Variants in PDE11A observed in about 807,000 individuals in gnomAD.
The protein encoded by PDE11A is phosphodiesterase 11A.
Under a neutral mutation model 100.5 loss-of-function variants are expected in PDE11A, and 100 were observed. The ratio of observed to expected loss-of-function variants is 1.00; its 90% CI spans 0.85 to 1.18. The LOEUF (loss-of-function observed/expected upper bound fraction) is 1.18, where lower values mean the gene tolerates loss of function less well. PDE11A is among the 50% of genes most tolerant of loss of function. The pLI, the probability that PDE11A is intolerant of heterozygous loss-of-function variation, is 0.00. For missense variants in PDE11A, 1,141 were observed against 1,152.6 expected (o/e 0.99, Z 0.15); for synonymous variants, 381 against 420.8 (o/e 0.91, Z 1.16).
intron 17 of PDE11A, among the ~76,000 whole-genome samples, chr2:177,673,658 G>T (rs960981817): frequency 6.6e-6 from 1 of 152,148 alleles, no homozygotes; most frequent in African/African-American, 2.4e-5. Context: ...TGGGACATTT[G>T]GGTTGTCTTT....
chr2:177,629,963 A>T (rs2105428803), intron 19 of PDE11A, among the ~76,000 whole-genome samples: 1 of 152,328 alleles, frequency 6.6e-6, no homozygotes, highest in East Asian at 1.9e-4. Flanking sequence ...TTAAATTTTT[A>T]CAAAATAATC....
chr2:177,727,958 A>G, intron 11 of PDE11A, 68 bp downstream of exon 11: 1 of 1,364,196 alleles, frequency 7.3e-7, no homozygotes, highest in Non-Finnish European at 1.0e-6. Context: ...TTGGGAAACC[A>G]GTGGTTCAGA....
intron 5 of PDE11A, among the ~76,000 whole-genome samples, chr2:177,860,734 C>T (rs537340750): frequency 6.6e-6 from 1 of 151,628 alleles, no homozygotes. Context: ...AAAAGGTATG[C>T]ACACCATGAC....
At chr2:178,012,118 C>G (rs894820404) in intron 2 of PDE11A, 3 of 152,168 alleles carry the variant, frequency 2.0e-5, no homozygotes, top group Admixed American at 2.0e-4. Context: ...CCTGCATGAA[C>G]ACAATCTACC....
intron 10 of PDE11A, among the ~76,000 whole-genome samples, chr2:177,761,844 T>A (rs529009192): frequency 1.3e-5 from 2 of 152,142 alleles, no homozygotes; most frequent in Non-Finnish European, 2.9e-5. Flanking sequence ...GAGCTGAAAG[T>A]TAGAGTTTGG....
At chr2:177,662,580 A>G (rs2080499552) in intron 19 of PDE11A, among the ~76,000 whole-genome samples, 1 of 152,244 alleles carries the variant, frequency 6.6e-6, no homozygotes, top group Non-Finnish European at 1.5e-5. Context: ...TGGGAGGAGC[A>G]GACAGGAAGA....
intron 6 of PDE11A, among the ~76,000 whole-genome samples, chr2:177,822,711 C>G (rs1356580824): frequency 6.6e-6 from 1 of 152,060 alleles, no homozygotes; most frequent in Non-Finnish European, 1.5e-5. Flanking sequence ...CTGAGTCTTT[C>G]AATCCATAAA....
At chr2:177,854,227 G>A (rs141463181) in intron 5 of PDE11A, among the ~76,000 whole-genome samples, 122 of 151,776 alleles carry the variant, frequency 8.0e-4, no homozygotes, top group Non-Finnish European at 1.1e-3. Flanking sequence ...TTTCATTCTC[G>A]TCTGTGACAG....
intron 1 of PDE11A, among the ~76,000 whole-genome samples, chr2:178,033,445 G>A (rs2196340): frequency 0.17 from 26,505 of 152,082 alleles, 2,641 homozygotes; most frequent in Middle Eastern, 0.28. Context: ...GAAAGTGACG[G>A]GGAGAATGGA....
Position 177,787,225 on chromosome 2 carries a change from G to A in PDE11A, c.1738-17852C>T, listed in dbSNP as rs1277369169. 2.0e-5 allele frequency among the ~76,000 whole-genome samples: 3 copies of A among 148,136 alleles called. No homozygotes were observed. In the East Asian group the frequency reaches 5.9e-4, roughly 29 times the overall value. On this transcript the variant is annotated intron_variant, in intron 9 of 19. Transcript: ENST00000286063. ...CTCTACAAGCCAGAAGAGAGTGGGG[G>A]CCAATATTCAACATTCTTAAAGAAA...
At chr2:177,991,499 G>A (rs1455154922) in intron 2 of PDE11A, among the ~76,000 whole-genome samples, 1 of 150,122 alleles carries the variant, frequency 6.7e-6, no homozygotes, top group East Asian at 2.0e-4. Context: ...GCCAGGCGTG[G>A]TGGCAGGCAC....
At chr2:177,896,748 T>C (rs1360964864) in intron 4 of PDE11A, among the ~76,000 whole-genome samples, 1 of 152,208 alleles carries the variant, frequency 6.6e-6, no homozygotes, top group Non-Finnish European at 1.5e-5. Context: ...TAGTAACACC[T>C]ACCTTATAAG....
chr2:177,666,335 GATATTATGA>G (rs2080581788), intron 18 of PDE11A, among the ~76,000 whole-genome samples: 1 of 152,180 alleles, frequency 6.6e-6, no homozygotes, highest in African/African-American at 2.4e-5. Flanking sequence ...TTGCTTCCAG[GATATTATGA>G]ATAATAGCTG....
chr2:178,088,104 T>C (rs11687573), intron 2 of PDE11A, among the ~76,000 whole-genome samples: 13,760 of 152,240 alleles, frequency 0.09, 689 homozygotes, highest in Middle Eastern at 0.13. Flanking sequence ...TGACTTGCCT[T>C]ACTCTCACAG....
intron 2 of PDE11A, among the ~76,000 whole-genome samples, chr2:177,947,033 CG>C (rs2085448215): frequency 8.4e-6 from 1 of 119,370 alleles, no homozygotes; most frequent in African/African-American, 3.1e-5. Context: ...GCCCCCCGCC[CG>C]GCCAGCCGCC....
chr2:177,685,370 C>T (rs1216380035), intron 15 of PDE11A, among the ~76,000 whole-genome samples: 1 of 152,098 alleles, frequency 6.6e-6, no homozygotes, highest in East Asian at 1.9e-4. Context: ...AAATGGGCAA[C>T]ATAACAAGTT....
intron 2 of PDE11A, chr2:177,997,956 G>T: frequency 8.3e-7 from 1 of 1,208,640 alleles, no homozygotes; most frequent in Non-Finnish European, 1.2e-6. Context: ...CGGTAGTCAA[G>T]ATACCAAGGT....
chr2:177,898,033 C>T (rs749376203), intron 4 of PDE11A, 25 bp downstream of exon 4: 1 of 1,578,984 alleles, frequency 6.3e-7, no homozygotes, highest in Non-Finnish European at 8.7e-7. Context: ...CAGTCTTCAA[C>T]TTTAAAAGAT....
At chr2:177,660,095 CTTT>C (rs2080458801) in intron 19 of PDE11A, among the ~76,000 whole-genome samples, 3 of 40,832 alleles carry the variant, frequency 7.3e-5, no homozygotes. Context: ...TTCTTTCTTT[CTTT>C]CTCTCTCTCT....
Sources: allele counts gnomAD v4.1 joint callset (sites outside exome capture counted in the v4.1 genomes callset), GRCh38; gene constraint gnomAD v4.1.1; transcripts MANE v1.5; gene names NCBI Gene and HGNC (gene_info 2026-07-23, HGNC 2026-07-21).